MED25: variants seen among roughly 807,000 people sequenced by gnomAD.
MED25 encodes the protein mediator complex subunit 25, also known as mediator of RNA polymerase II transcription subunit 25.
MED25 carries 62 observed loss-of-function variants against 89.4 expected under a neutral mutation model. The observed-to-expected ratio is 0.69, with a 90% CI of 0.57 to 0.86. MED25 has a LOEUF of 0.86. Ranked by LOEUF, MED25 falls within the 40% of genes least tolerant of loss-of-function variation. The pLI, the probability that MED25 is intolerant of heterozygous loss-of-function variation, is 0.00. For synonymous variants in MED25, 449 were observed against 427.9 expected, an observed-to-expected ratio of 1.05 and a Z score of -0.61; for missense variants, 905 against 1,005.2, an observed-to-expected ratio of 0.90 and a Z score of 1.35.
In MED25 at chr19:49,831,803, G is replaced by A; in HGVS notation, c.1231-133G>A. The A allele has an allele frequency of 1.2e-6, 1 of 837,680 alleles. No homozygotes were observed. Among genetic ancestry groups the A allele is most frequent in the Admixed American group, 2.0e-5 (1 of 50,990 alleles). The allele number at this position is 837,680 out of a possible 1,614,324, so 51.9% of individuals were successfully genotyped here. On this transcript the variant is annotated intron_variant, in intron 10 of 17. Coordinates refer to ENST00000312865, the MANE Select transcript of MED25 (RefSeq NM_030973.4). This position sits in a 1 kb window ranked among gnomAD's most constrained non-coding sequence, Gnocchi z 5.0. ...GAACTGAAGGCTTGCTGGTCTGGAG[G>A]AGGGGCCTGGGGCTCATGGGACTTA...
chr19:49,819,561 T>G (rs1407728867), intron 3 of MED25: 1 of 455,970 alleles, frequency 2.2e-6, no homozygotes, highest in Non-Finnish European at 4.0e-6. Context: ...TGAGGGTGAT[T>G]GTGTTTTTGT....
intron 3 of MED25, among the ~76,000 whole-genome samples, chr19:49,828,088 G>A (rs1370682185): frequency 1.3e-5 from 2 of 152,116 alleles, no homozygotes; most frequent in Admixed American, 6.5e-5. Context: ...AATTAGCCAG[G>A]TGTGGTGGCA....
At chr19:49,824,918 G>C (rs758621008) in intron 3 of MED25, among the ~76,000 whole-genome samples, 8 of 152,130 alleles carry the variant, frequency 5.3e-5, no homozygotes, top group Non-Finnish European at 8.8e-5. Context: ...AATGATACTG[G>C]GTAGAACAAA....
At position 49,831,436 on chromosome 19, in the gene MED25, G is replaced by C; in HGVS notation, c.1205G>C (p.Trp402Ser). The C allele has an allele frequency of 1.2e-6, 2 of 1,612,502 alleles. No individual in the cohort carries two copies. Among genetic ancestry groups the C allele is most frequent in the Non-Finnish European group, 1.7e-6 (2 of 1,179,418 alleles). The change falls in exon 10 of 18, where the codon TGG becomes TCG. Residue 402 changes from tryptophan to serine, a missense_variant. Around this residue, in one of 3 missense-constraint regions of MED25, gnomAD observed 133 missense variants for 220.2 expected, o/e 0.60. Transcript: ENST00000312865. The surrounding 1 kb of genome is among the most constrained non-coding windows in gnomAD (Gnocchi z 5.0). ...TCAGTCTCCAATAAGCTTCTGGCCT[G>C]GAGCGGGGTCCTGGAGTGGCAAGAG... ...QQSVSNKLLA[W>S]SGVLEWQEKP...
Position 49,836,386 on chromosome 19 carries a change from C to T in MED25, c.2126C>T (p.Pro709Leu), listed in dbSNP as rs1268065915. ...PPAQSWPAQLPPRAPLPGQML... is the reference protein window; with the variant it reads ...PPAQSWPAQLLPRAPLPGQML... Reference sequence around the variant, plus strand: ...GCCCAGTCCTGGCCCGCACAACTTCCCCCTCGGGCTCCACTGCCAGGTAAG... The same window carrying T: ...GCCCAGTCCTGGCCCGCACAACTTCTCCCTCGGGCTCCACTGCCAGGTAAG... Residue 709 changes from proline (P) to leucine (L), a missense_variant, in exon 17 of 18, where the codon CCC becomes CTC. Around this residue, in one of 3 missense-constraint regions of MED25, gnomAD observed 271 missense variants for 258.1 expected, o/e 1.05. Coordinates refer to ENST00000312865, the MANE Select transcript of MED25 (RefSeq NM_030973.4). This position sits in a 1 kb window ranked among gnomAD's most constrained non-coding sequence, Gnocchi z 5.1. 2 of 1,600,294 alleles carry T rather than the reference C, an allele frequency of 1.2e-6. No homozygotes were observed. The highest frequency in any genetic ancestry group is 2.7e-5 in the African/African-American group (2 of 74,606).
downstream of MED25, chr19:49,839,266 T>C: frequency 5.8e-6 from 1 of 171,188 alleles, no homozygotes; most frequent in Non-Finnish European, 1.3e-5. Flanking sequence ...TGGCCAGAGT[T>C]CCGAAGCACA....
At chr19:49,820,925 G>A (rs2073977145) in intron 3 of MED25, among the ~76,000 whole-genome samples, 2 of 152,200 alleles carry the variant, frequency 1.3e-5, no homozygotes, top group Admixed American at 1.3e-4. Context: ...TGGGGATGTG[G>A]ATAGTACTTG....
rs2074062447 is a variant in MED25 at position 49,832,157 on chromosome 19, G to A, written c.1374G>A (p.Leu458=). The A allele has an allele frequency of 3.1e-6, 5 of 1,612,280 alleles. No individual in the cohort carries two copies. The highest frequency in any genetic ancestry group is 2.5e-6 in the Non-Finnish European group (3 of 1,179,906). The change falls in exon 12 of 18, where the codon CTG becomes CTA. Residue 458 remains leucine (L), a splice_region_variant and synonymous_variant. Coordinates refer to ENST00000312865, the MANE Select transcript of MED25 (RefSeq NM_030973.4). ...LIMQLIPQQL[L]TTLGPLFRNS... ...TGCAGCTCATCCCCCAGCAGCTGCT[G>A]GTGAGTGGCGGTGGAGGGCCAGCCC...
chr19:49,829,215 G>A lies in MED25; in HGVS notation c.525+125G>A. On this transcript the variant is annotated intron_variant, in intron 5 of 17. Coordinates refer to ENST00000312865, the MANE Select transcript of MED25 (RefSeq NM_030973.4). This position sits in a 1 kb window ranked among gnomAD's most constrained non-coding sequence, Gnocchi z 4.6. Reference sequence around the variant, plus strand: ...GAGGCACTGGGGGCCTGGACTCTTGGGTCTAAGCGGGGAGGCACTGGGGGC... The same window carrying A: ...GAGGCACTGGGGGCCTGGACTCTTGAGTCTAAGCGGGGAGGCACTGGGGGC... 1.2e-6 allele frequency: 1 copy of A among 820,358 alleles called. No individual in the cohort carries two copies. Among genetic ancestry groups the A allele is most frequent in the Non-Finnish European group, 2.0e-6 (1 of 497,144 alleles). The allele number at this position is 820,358 out of a possible 1,614,324, so 50.8% of individuals were successfully genotyped here.
In MED25 at chr19:49,830,179, C is replaced by A; in HGVS notation, c.780C>A (p.Ala260=). The A allele has an allele frequency of 6.2e-7, 1 of 1,600,556 alleles. No individual in the cohort carries two copies. Among genetic ancestry groups the A allele is most frequent in the Non-Finnish European group, 8.6e-7 (1 of 1,169,304 alleles). ...CCTCAGGTGCCACTCTCTCAGCAGC[C>A]CCCCAGCAGCCTCTGCCCCCCGTCC... ...AAPSGATLSA[A]PQQPLPPVPP... Residue 260 remains alanine (A), a synonymous_variant, in exon 7 of 18, where the codon GCC becomes GCA. Coordinates refer to ENST00000312865, the MANE Select transcript of MED25 (RefSeq NM_030973.4). This position sits in a 1 kb window ranked among gnomAD's most constrained non-coding sequence, Gnocchi z 4.6.
Position 49,836,039 on chromosome 19 carries a change from G to A in MED25, c.1965+94G>A, listed in dbSNP as rs2074095396. 1.3e-6 allele frequency: 2 copies of A among 1,561,642 alleles called. No homozygotes were observed. Among genetic ancestry groups the A allele is most frequent in the African/African-American group, 1.4e-5 (1 of 73,498 alleles). ...GGAGGAGGGAGGTTGACTGTGGTCA[G>A]TGGGTGTGAATGGGGACCCGCCCAG... On this transcript the variant is annotated intron_variant, in intron 16 of 17. Coordinates refer to ENST00000312865, the MANE Select transcript of MED25 (RefSeq NM_030973.4). This position sits in a 1 kb window ranked among gnomAD's most constrained non-coding sequence, Gnocchi z 5.1.
intron 3 of MED25, 122 bp from the exon 4 acceptor site, chr19:49,828,327 C>T (rs2074028822): frequency 1.4e-6 from 1 of 739,200 alleles, no homozygotes; most frequent in Admixed American, 1.8e-5. Context: ...AGCAGGGTCC[C>T]CGTCATCCCA....
rs754244470 is a variant in MED25 at position 49,836,292 on chromosome 19, C to T, written c.2032C>T (p.Leu678=). Residue 678 remains leucine, a synonymous_variant, in exon 17 of 18, where the codon CTG becomes TTG. Coordinates refer to ENST00000312865, the MANE Select transcript of MED25 (RefSeq NM_030973.4). This position sits in a 1 kb window ranked among gnomAD's most constrained non-coding sequence, Gnocchi z 5.1. ...CCTCCAGCCACCAGGGGCTCCTGCG[C>T]TGCTGCCTCCGCCGCACCAGGGCCT... ...HHLQPPGAPA[L]LPPPHQGLGQ... 2 of 1,611,890 alleles carry T rather than the reference C, an allele frequency of 1.2e-6. No homozygotes were observed. Among genetic ancestry groups the T allele is most frequent in the South Asian group, 1.1e-5 (1 of 90,946 alleles).
At position 49,819,162 on chromosome 19, in the gene MED25, C is replaced by T; in HGVS notation, c.181-10C>T. On this transcript the variant is annotated splice_polypyrimidine_tract_variant and intron_variant, in intron 2 of 17. Coordinates refer to ENST00000312865, the MANE Select transcript of MED25 (RefSeq NM_030973.4). ...TCCCAGATTAAAAGTTTTCTGTCCT[C>T]CCCTCCCAGTATGGGGGGACCCAGT... The T allele has an allele frequency of 6.2e-7, 1 of 1,614,108 alleles. No homozygotes were observed. The highest frequency in any genetic ancestry group is 1.1e-5 in the South Asian group (1 of 91,084).
chr19:49,824,605 A>AC (rs1491404830), intron 3 of MED25, among the ~76,000 whole-genome samples: 1 of 151,498 alleles, frequency 6.6e-6, no homozygotes, highest in Admixed American at 6.6e-5. Flanking sequence ...AAAAAAAAAA[A>AC]GAGGTGGAAG....
rs1221125122 is a variant in MED25, at chr19:49,835,414, C to T, written c.1675-120C>T. ...TGTACGGCATCCCTCCCAGACCACT[C>T]ACCCCCAAAGAGAATGTCCCCATCT... On this transcript the variant is annotated intron_variant, in intron 14 of 17. Transcript: ENST00000312865. The surrounding 1 kb of genome is among the most constrained non-coding windows in gnomAD (Gnocchi z 6.2). 14 of 1,101,804 alleles carry T rather than the reference C, an allele frequency of 1.3e-5. No individual in the cohort carries two copies. The highest frequency in any genetic ancestry group is 1.6e-5 in the Non-Finnish European group (12 of 767,538). 68.3% of individuals were successfully genotyped at this position (1,101,804 alleles called of 1,614,324 possible).
chr19:49,838,833 T>C, downstream of MED25: 1 of 438,884 alleles, frequency 2.3e-6, no homozygotes. Context: ...AGGGTTTGTT[T>C]TGAAAAGCGA....
intron 3 of MED25, among the ~76,000 whole-genome samples, chr19:49,821,571 AGCCTG>A (rs2073982054): frequency 2.0e-5 from 3 of 151,878 alleles, no homozygotes; most frequent in Admixed American, 2.0e-4. Flanking sequence ...GTTCGAGACC[AGCCTG>A]TCCAACATGG....
Position 49,831,520 on chromosome 19 carries a change from T to C in MED25, c.1230+59T>C, listed in dbSNP as rs1207353232. 8 of 1,582,268 alleles carry C rather than the reference T, an allele frequency of 5.1e-6. No homozygotes were observed. In the South Asian group the frequency reaches 6.9e-5, roughly 14 times the overall value. On this transcript the variant is annotated intron_variant, in intron 10 of 17. Transcript: ENST00000312865. This position sits in a 1 kb window ranked among gnomAD's most constrained non-coding sequence, Gnocchi z 5.0. ...ACTCCTGGGGCCGTGGGGCTGGGCA[T>C]GTAGGACTCATGGGGCCAGATGCGT...
Sources: allele counts gnomAD v4.1 joint callset (sites outside exome capture counted in the v4.1 genomes callset), GRCh38; gene constraint gnomAD v4.1.1; regional missense constraint gnomAD v4.1.1; non-coding constraint Gnocchi (gnomAD v3.1); transcripts MANE v1.5; gene names NCBI Gene and HGNC (gene_info 2026-07-23, HGNC 2026-07-21).